TTC28: variants seen among roughly 807,000 people sequenced by gnomAD.
The protein encoded by TTC28 is tetratricopeptide repeat domain 28.
In TTC28, 61 loss-of-function variants were observed where a neutral mutation model predicts 198.0. The observed-to-expected ratio is 0.31, with a 90% CI of 0.25 to 0.38. TTC28 has a LOEUF of 0.38. Ranked by LOEUF, TTC28 falls within the 10% of genes least tolerant of loss-of-function variation. The probability of loss-of-function intolerance (pLI) is 1.00; values close to 1 mark genes in which losing one functional copy is unlikely to be tolerated. For missense variants in TTC28, 2,678 were observed against 3,164.0 expected, an observed-to-expected ratio of 0.85 and a Z score of 3.69; for synonymous variants, 1,171 against 1,297.8, an observed-to-expected ratio of 0.90 and a Z score of 2.10.
chr22:28,440,050 G>A (rs1314701747), intron 2 of TTC28, among the ~76,000 whole-genome samples: 4 of 152,166 alleles, frequency 2.6e-5, no homozygotes, highest in Non-Finnish European at 2.9e-5. Context: ...TGGCCAGGCC[G>A]GTCTCGAACT....
rs575470227 is a variant in TTC28 at position 27,992,683 on chromosome 22, T to C, written c.5477-20A>G. On this transcript the variant is annotated intron_variant, in intron 18 of 22. Coordinates refer to ENST00000397906, the MANE Select transcript of TTC28 (RefSeq NM_001145418.2). ...GCAGACCTAAACCAAGAAAAAAGGG[T>C]AGAAGTTATTCAGAAGGGCCTCTGC... 8.4e-6 allele frequency: 13 copies of C among 1,550,010 alleles called. No individual in the cohort carries two copies. Among genetic ancestry groups the C allele is most frequent in the East Asian group, 2.4e-5 (1 of 40,888 alleles).
Position 28,238,573 on chromosome 22 carries a change from G to C in TTC28, c.933+57625C>G, listed in dbSNP as rs1601517809. ...TGCAAATCAGCCTATTCTAAGACTT[G>C]TTTTTAAGTTTTTTAAGGATGAGTT... is the stretch of plus-strand genomic sequence containing the variant. On this transcript the variant is annotated intron_variant, in intron 5 of 22. Coordinates refer to ENST00000397906, the MANE Select transcript of TTC28 (RefSeq NM_001145418.2). Among the ~76,000 whole-genome samples, 3 of 151,952 alleles carry C rather than the reference G, an allele frequency of 2.0e-5. No individual in the cohort carries two copies. The South Asian group carries it at 6.2e-4, about 31-fold the overall frequency.
intron 6 of TTC28, among the ~76,000 whole-genome samples, chr22:28,129,839 G>A (rs532843911): frequency 1.6e-4 from 25 of 152,144 alleles, no homozygotes; most frequent in Non-Finnish European, 2.8e-4. Context: ...AGAATCACAG[G>A]GGACCTTGTT....
intron 2 of TTC28, among the ~76,000 whole-genome samples, chr22:28,481,430 A>C (rs775033649): frequency 2.0e-5 from 3 of 152,184 alleles, no homozygotes; most frequent in Non-Finnish European, 2.9e-5. Context: ...GTGTTTTTTT[A>C]AACAATGACT....
Position 27,993,331 on chromosome 22 carries a change from C to T in TTC28, c.5432G>A (p.Gly1811Asp). 1 of 1,549,528 alleles carries T rather than the reference C, an allele frequency of 6.5e-7. No individual in the cohort carries two copies. The highest frequency in any genetic ancestry group is 1.4e-5 in the African/African-American group (1 of 73,176). The change falls in exon 18 of 23, where the codon GGC becomes GAC. Residue 1811 changes from glycine to aspartate, a missense_variant. Physicochemically the swap from Gly to Asp is moderately conservative, Grantham distance 94. Transcript: ENST00000397906. ...AAVFFPTSDP[G>D]DRLQQCSSTL... ...GCTGCTGCACTGCTGGAGCCGGTCG[C>T]CCGGGTCGGAGGTTGGGAAGAAGAC...
chr22:28,295,514 GA>G (rs1480796801), intron 5 of TTC28, among the ~76,000 whole-genome samples: 4 of 152,038 alleles, frequency 2.6e-5, no homozygotes, highest in Admixed American at 6.5e-5. Flanking sequence ...ATCATTTCCT[GA>G]ATAAGAAAAT....
intron 2 of TTC28, among the ~76,000 whole-genome samples, chr22:28,368,496 T>C (rs1441358884): frequency 6.6e-6 from 1 of 152,130 alleles, no homozygotes; most frequent in Non-Finnish European, 1.5e-5. Context: ...ATGACAAGGT[T>C]GCCTACTTTT....
intron 2 of TTC28, among the ~76,000 whole-genome samples, chr22:28,516,122 G>C (rs986044797): frequency 4.0e-5 from 6 of 150,884 alleles, no homozygotes; most frequent in Non-Finnish European, 8.8e-5. Flanking sequence ...TCCAGCCTGG[G>C]TGACAAGAGC....
intron 5 of TTC28, among the ~76,000 whole-genome samples, chr22:28,231,966 A>G (rs1928840774): frequency 6.6e-6 from 1 of 152,252 alleles, no homozygotes; most frequent in African/African-American, 2.4e-5. Flanking sequence ...CATAATTGAG[A>G]AAGTATCCAG....
chr22:28,425,873 C>T (rs2047341828), intron 2 of TTC28, among the ~76,000 whole-genome samples: 1 of 152,156 alleles, frequency 6.6e-6, no homozygotes, highest in Non-Finnish European at 1.5e-5. Flanking sequence ...GGTCCATTTA[C>T]TTTGATAGTG....
chr22:28,346,567 G>A (rs943468979), intron 2 of TTC28, among the ~76,000 whole-genome samples: 2 of 152,194 alleles, frequency 1.3e-5, no homozygotes, highest in African/African-American at 4.8e-5. Flanking sequence ...CCACCTGTTA[G>A]GGCAAGTGAC....
chr22:28,586,625 A>T (rs888323390), intron 2 of TTC28, among the ~76,000 whole-genome samples: 1 of 152,108 alleles, frequency 6.6e-6, no homozygotes, highest in African/African-American at 2.4e-5. Context: ...AAGGAAAAGG[A>T]AAGTTTAAAG....
intron 1 of TTC28, among the ~76,000 whole-genome samples, chr22:28,676,324 A>G (rs1337375144): frequency 6.6e-6 from 1 of 152,230 alleles, no homozygotes; most frequent in Non-Finnish European, 1.5e-5. Context: ...AGAGACAGAA[A>G]GTAGGCTAGT....
At chr22:28,050,682 G>T (rs567800975) in intron 12 of TTC28, among the ~76,000 whole-genome samples, 26 of 152,196 alleles carry the variant, frequency 1.7e-4, no homozygotes, top group African/African-American at 6.3e-4. Context: ...ACTAATACAA[G>T]TTATATTAAA....
intron 2 of TTC28, among the ~76,000 whole-genome samples, chr22:28,509,668 GAA>G (rs2048661722): frequency 6.6e-6 from 1 of 151,748 alleles, no homozygotes; most frequent in Admixed American, 6.6e-5. Context: ...CAGAGGACAA[GAA>G]ATAACTAAGA....
At chr22:28,439,533 C>A (rs377526613) in intron 2 of TTC28, among the ~76,000 whole-genome samples, 1 of 152,144 alleles carries the variant, frequency 6.6e-6, no homozygotes, top group Non-Finnish European at 1.5e-5. Context: ...AAGGCCTGGT[C>A]CAATCCTAGC....
At chr22:28,388,304 C>A (rs1161663698) in intron 2 of TTC28, among the ~76,000 whole-genome samples, 5 of 152,160 alleles carry the variant, frequency 3.3e-5, no homozygotes, top group Non-Finnish European at 7.3e-5. Context: ...GTTCTTTTGG[C>A]TTAGGAATGA....
Position 27,983,870 on chromosome 22 carries a change from G to A in TTC28, c.5816-19C>T, listed in dbSNP as rs1937110699. ...GTAGAATCTAAGCACAAAACACAAGGGCCCCAAGGACAGTTAGAATTCTAT... is the reference window on the plus strand; with the variant it reads ...GTAGAATCTAAGCACAAAACACAAGAGCCCCAAGGACAGTTAGAATTCTAT... On this transcript the variant is annotated intron_variant, in intron 22 of 22. Transcript: ENST00000397906. 2.6e-6 allele frequency: 4 copies of A among 1,535,672 alleles called. No homozygotes were observed. The highest frequency in any genetic ancestry group is 3.5e-6 in the Non-Finnish European group (4 of 1,142,774).
chr22:28,601,979 T>C (rs2050647152), intron 2 of TTC28, among the ~76,000 whole-genome samples: 1 of 151,146 alleles, frequency 6.6e-6, no homozygotes. Flanking sequence ...ACAAAAATAT[T>C]AGTTATCCCT....
Sources: allele counts gnomAD v4.1 joint callset (sites outside exome capture counted in the v4.1 genomes callset), GRCh38; gene constraint gnomAD v4.1.1; transcripts MANE v1.5; gene names NCBI Gene and HGNC (gene_info 2026-07-23, HGNC 2026-07-21).